CFAP54: variants seen among roughly 807,000 people sequenced by gnomAD.
CFAP54 encodes the protein cilia- and flagella-associated protein 54.
A neutral mutation model predicts 370.4 loss-of-function variants in CFAP54; 290 were observed. The ratio of observed to expected loss-of-function variants is 0.78; its 90% CI spans 0.71 to 0.86. CFAP54 has a LOEUF of 0.86. Among genes scored for constraint, CFAP54 ranks in the 40% least tolerant of loss-of-function variants. CFAP54 has a pLI of 0.00. For synonymous variants in CFAP54, 1,206 were observed against 1,236.5 expected (o/e 0.98, Z 0.52); for missense variants, 3,399 against 3,528.7 (o/e 0.96, Z 0.93).
chr12:96,617,795 C>A (rs1330503626), intron 26 of CFAP54, among the ~76,000 whole-genome samples: 1 of 152,024 alleles, frequency 6.6e-6, no homozygotes, highest in African/African-American at 2.4e-5. Context: ...TCAAGACCAT[C>A]CTGGCTAACA....
chr12:96,837,824 T>G (rs1011204393), intron 66 of CFAP54, among the ~76,000 whole-genome samples: 5 of 152,214 alleles, frequency 3.3e-5, no homozygotes, highest in Non-Finnish European at 7.3e-5. Flanking sequence ...CCAGAGTTCC[T>G]GCTTTCAAGA....
intron 8 of CFAP54, among the ~76,000 whole-genome samples, chr12:96,525,893 A>G (rs375233846): frequency 1.4e-4 from 21 of 152,118 alleles, no homozygotes; most frequent in South Asian, 8.3e-4. Context: ...GTTTCACCAT[A>G]TTGGCCAGGC....
chr12:96,677,556 A>C (rs139552795), intron 39 of CFAP54, among the ~76,000 whole-genome samples: 243 of 152,264 alleles, frequency 1.6e-3, no homozygotes, highest in African/African-American at 5.5e-3. Context: ...GCCTGGGACC[A>C]TGCAAGACTG....
chr12:96,786,341 C>G (rs1164456539), intron 61 of CFAP54, among the ~76,000 whole-genome samples: 1 of 151,900 alleles, frequency 6.6e-6, no homozygotes, highest in East Asian at 1.9e-4. Context: ...CCACCATGCC[C>G]AGCTAATTTT....
intron 60 of CFAP54, among the ~76,000 whole-genome samples, chr12:96,780,918 C>G (rs1958573859): frequency 6.6e-6 from 1 of 152,132 alleles, no homozygotes; most frequent in South Asian, 2.1e-4. Context: ...ACTAAATGAC[C>G]AATCAAGTAC....
At chr12:96,529,453 T>C (rs1227369737) in intron 9 of CFAP54, among the ~76,000 whole-genome samples, 11 of 152,220 alleles carry the variant, frequency 7.2e-5, no homozygotes, top group Non-Finnish European at 4.4e-5. Context: ...AAGTGGTTTT[T>C]TTTAGTTTGC....
chr12:96,693,455 C>G (rs1957409666), intron 44 of CFAP54, among the ~76,000 whole-genome samples: 1 of 152,146 alleles, frequency 6.6e-6, no homozygotes, highest in Non-Finnish European at 1.5e-5. Flanking sequence ...CCTCTTCCTG[C>G]TTAAAGAGAT....
chr12:96,872,503 G>T (rs545767280), intron 67 of CFAP54, among the ~76,000 whole-genome samples: 1 of 152,272 alleles, frequency 6.6e-6, no homozygotes, highest in South Asian at 2.1e-4. Flanking sequence ...AGCTGGTGTC[G>T]CTATATTGTC....
chr12:96,737,658 T>G (rs951416469), intron 50 of CFAP54, among the ~76,000 whole-genome samples: 1 of 151,800 alleles, frequency 6.6e-6, no homozygotes, highest in African/African-American at 2.4e-5. Context: ...CCCAGCTAAT[T>G]TCTGTATTTT....
intron 61 of CFAP54, among the ~76,000 whole-genome samples, chr12:96,785,767 TG>T (rs971830162): frequency 3.3e-5 from 5 of 152,336 alleles, no homozygotes; most frequent in African/African-American, 9.6e-5. Flanking sequence ...TTTTCTGCCC[TG>T]GGCTTTCTTT....
chr12:96,743,970 T>G, intron 54 of CFAP54, 50 bp from the exon 55 acceptor site: 2 of 1,603,754 alleles, frequency 1.2e-6, no homozygotes, highest in Non-Finnish European at 1.7e-6. Context: ...TTCCTCCTAT[T>G]CCAAACCACG....
chr12:96,533,672 A>C (rs190572919), intron 9 of CFAP54, 120 bp from the exon 10 acceptor site: 2 of 773,740 alleles, frequency 2.6e-6, no homozygotes, highest in Non-Finnish European at 3.8e-6. Flanking sequence ...CCCCACTAGA[A>C]CGTAAATCTT....
At chr12:96,720,801 C>G (rs1483307505) in intron 50 of CFAP54, among the ~76,000 whole-genome samples, 1 of 152,104 alleles carries the variant, frequency 6.6e-6, no homozygotes, top group Non-Finnish European at 1.5e-5. Context: ...GTGGGCAGAT[C>G]ACTTGAGGCC....
intron 40 of CFAP54, chr12:96,682,390 C>T (rs1361904589): frequency 2.6e-5 from 21 of 815,724 alleles, no homozygotes; most frequent in African/African-American, 5.7e-5. Context: ...TTTTTTGAGA[C>T]GAGGTCTCAT....
At chr12:96,541,711 C>T (rs1421918967) in intron 14 of CFAP54, among the ~76,000 whole-genome samples, 1 of 152,182 alleles carries the variant, frequency 6.6e-6, no homozygotes, top group Admixed American at 6.5e-5. Flanking sequence ...TCATCTGACA[C>T]AGCGCAGGAG....
At chr12:96,650,801 C>T (rs1956850202) in intron 35 of CFAP54, among the ~76,000 whole-genome samples, 1 of 152,154 alleles carries the variant, frequency 6.6e-6, no homozygotes, top group African/African-American at 2.4e-5. Context: ...AAACCTGGAT[C>T]ACCTGCTTTG....
intron 32 of CFAP54, among the ~76,000 whole-genome samples, chr12:96,640,589 T>C (rs1237064460): frequency 6.6e-6 from 1 of 152,138 alleles, no homozygotes; most frequent in Non-Finnish European, 1.5e-5. Context: ...AAAGTTCATA[T>C]AGAACCAAAA....
At chr12:96,621,057 G>A (rs1465407516) in intron 26 of CFAP54, among the ~76,000 whole-genome samples, 1 of 152,216 alleles carries the variant, frequency 6.6e-6, no homozygotes, top group East Asian at 1.9e-4. Context: ...TACGACTACA[G>A]TGCACACTTC....
chr12:96,515,912 GT>G (rs71437221), intron 5 of CFAP54, among the ~76,000 whole-genome samples: 49 of 108,256 alleles, frequency 4.5e-4, no homozygotes, highest in South Asian at 6.3e-4. Context: ...TTACCTCTAT[GT>G]TTTTTTTTTT....
Sources: allele counts gnomAD v4.1 joint callset (sites outside exome capture counted in the v4.1 genomes callset), GRCh38; gene constraint gnomAD v4.1.1; transcripts MANE v1.5; gene names NCBI Gene and HGNC (gene_info 2026-07-23, HGNC 2026-07-21).